The following MUSK variants were observed in gnomAD, a reference collection of about 807,000 sequenced individuals.
MUSK encodes the protein muscle, skeletal receptor tyrosine-protein kinase.
In MUSK, 55 loss-of-function variants were observed where a neutral mutation model predicts 88.7. That is an observed-to-expected ratio of 0.62 (90% CI 0.50 to 0.78). MUSK has a LOEUF of 0.78. Among genes scored for constraint, MUSK ranks in the 30% least tolerant of loss-of-function variants. MUSK has a pLI of 0.00. For missense variants in MUSK, 1,015 were observed against 1,074.3 expected (o/e 0.94, Z 0.77); for synonymous variants, 387 against 391.9 (o/e 0.99, Z 0.15).
rs2078124756 is a variant in MUSK, at chr9:110,803,669, G to A, written c.*2681G>A. ...GTATATTTCAGCATTATCAATTTAA[G>A]TTAATCATAACATCTAATAGGTGAC... On this transcript the variant is annotated 3_prime_UTR_variant, in exon 15 of 15. Transcript: ENST00000374448. 6.6e-6 allele frequency among the ~76,000 whole-genome samples: 1 copy of A among 152,140 alleles called. No individual in the cohort carries two copies. The highest frequency in any genetic ancestry group is 6.5e-5 in the Admixed American group (1 of 15,274).
intron 5 of MUSK, among the ~76,000 whole-genome samples, chr9:110,724,405 C>T (rs912847342): frequency 1.3e-5 from 2 of 151,914 alleles, no homozygotes; most frequent in Admixed American, 1.3e-4. Flanking sequence ...CCTCTACTTC[C>T]TTCATTCATA....
chr9:110,675,386 T>C (rs1264987942), intron 1 of MUSK, among the ~76,000 whole-genome samples: 1 of 150,494 alleles, frequency 6.6e-6, no homozygotes, highest in African/African-American at 2.5e-5. Flanking sequence ...CACGCCCGGC[T>C]AATTTTTTGT....
intron 7 of MUSK, among the ~76,000 whole-genome samples, chr9:110,753,205 C>T (rs2077269079): frequency 6.6e-6 from 1 of 152,040 alleles, no homozygotes; most frequent in Non-Finnish European, 1.5e-5. Context: ...CCGAGGTGGG[C>T]AGATCACCTG....
intron 11 of MUSK, among the ~76,000 whole-genome samples, chr9:110,781,437 C>T (rs1394757321): frequency 2.0e-5 from 3 of 152,080 alleles, no homozygotes; most frequent in Admixed American, 6.5e-5. Flanking sequence ...CCACCATGCC[C>T]AGCTAATTTT....
rs1483518782 is a variant in MUSK, at chr9:110,739,094, C to A, written c.753+4719C>A. On this transcript the variant is annotated intron_variant, in intron 6 of 14. Coordinates refer to ENST00000374448, the MANE Select transcript of MUSK (RefSeq NM_005592.4). ...CCTTCCATTGGAGCTGCCAGACATC[C>A]TTTAGATTTTACAGGTGGGAATTAC... Among the ~76,000 whole-genome samples the A allele has an allele frequency of 2.6e-5, 4 of 152,056 alleles. No individual in the cohort carries two copies. In the East Asian group the frequency reaches 5.8e-4, roughly 22 times the overall value.
At position 110,776,341 on chromosome 9, in the gene MUSK, A is replaced by T. The variant is rs147530141; in HGVS notation, c.1361-291A>T. On this transcript the variant is annotated intron_variant, in intron 10 of 14. Coordinates refer to ENST00000374448, the MANE Select transcript of MUSK (RefSeq NM_005592.4). ...AATAAAGTCCTTTTTCTTAGCCAAG[A>T]AAGCATGCTAAAATAAGACACATGT... Among the ~76,000 whole-genome samples the T allele has an allele frequency of 3.3e-3, 503 of 152,324 alleles. 4 individuals carry two copies. Among genetic ancestry groups the T allele is most frequent in the African/African-American group, 0.011 (451 of 41,580 alleles).
rs3824467 is a variant in MUSK, at chr9:110,788,012, T to C, written c.1927+174T>C. 2.0e-3 allele frequency: 1,339 copies of C among 676,810 alleles called. 11 individuals are homozygous for C. The highest frequency in any genetic ancestry group is 0.019 in the East Asian group (671 of 36,062). 41.9% of individuals were successfully genotyped at this position (676,810 alleles called of 1,614,324 possible). ...CCCAACCCTATAGGACATTCATGGC[T>C]TAATGGATTATCCCTCTTTAAATTC... is the stretch of plus-strand genomic sequence containing the variant. On this transcript the variant is annotated intron_variant, in intron 14 of 14. Coordinates refer to ENST00000374448, the MANE Select transcript of MUSK (RefSeq NM_005592.4).
rs1157490308 is a variant in MUSK at position 110,784,888 on chromosome 9, C to T, written c.1458C>T (p.Phe486=). 2.5e-6 allele frequency: 4 copies of T among 1,613,754 alleles called. No homozygotes were observed. Among genetic ancestry groups the T allele is most frequent in the Non-Finnish European group, 3.4e-6 (4 of 1,179,816 alleles). The change falls in exon 12 of 15, where the codon TTC becomes TTT. Residue 486 remains phenylalanine (F), a synonymous_variant. Transcript: ENST00000374448. ...TGCCTTCCTCCTCCTCTTCTTCCTT[C>T]TCTGTCTCACCTACATACTCCATGA... ...PNLPSSSSSS[F]SVSPTYSMTV...
chr9:110,695,028 T>C (rs1332360557), intron 3 of MUSK, among the ~76,000 whole-genome samples: 1 of 152,170 alleles, frequency 6.6e-6, no homozygotes, highest in Admixed American at 6.6e-5. Context: ...CAAAATTTTC[T>C]TTTCAAATGT....
intron 11 of MUSK, among the ~76,000 whole-genome samples, chr9:110,784,272 C>CA (rs1181885910): frequency 6.6e-6 from 1 of 151,976 alleles, no homozygotes; most frequent in Non-Finnish European, 1.5e-5. Context: ...TTTTGGTTTC[C>CA]AACAGTAATG....
chr9:110,732,231 T>A (rs1470319261), intron 5 of MUSK, among the ~76,000 whole-genome samples: 1 of 151,972 alleles, frequency 6.6e-6, no homozygotes, highest in Non-Finnish European at 1.5e-5. Context: ...CCATAGATGG[T>A]CATGCAGTAG....
chr9:110,775,669 C>A, intron 9 of MUSK, 119 bp from the exon 10 acceptor site: 1 of 959,760 alleles, frequency 1.0e-6, no homozygotes, highest in Non-Finnish European at 1.6e-6. Flanking sequence ...CATAAACGCG[C>A]TTTTTTCAAG....
chr9:110,775,451 T>G (rs1410723108), intron 9 of MUSK: 1 of 316,722 alleles, frequency 3.2e-6, no homozygotes, highest in African/African-American at 2.2e-5. Context: ...CTGTATACCT[T>G]TTTCCTCTAC....
intron 14 of MUSK, among the ~76,000 whole-genome samples, chr9:110,799,061 C>CA (rs930755600): frequency 6.6e-6 from 1 of 152,014 alleles, no homozygotes; most frequent in African/African-American, 2.4e-5. Context: ...AAAGATTATC[C>CA]AAAAAGGATC....
chr9:110,692,179 A>G (rs1317919356), intron 3 of MUSK, among the ~76,000 whole-genome samples: 2 of 151,290 alleles, frequency 1.3e-5, no homozygotes, highest in African/African-American at 4.9e-5. Flanking sequence ...GGTTTTTTTG[A>G]GACAAGATCT....
At chr9:110,759,761 C>G (rs985993963) in intron 7 of MUSK, among the ~76,000 whole-genome samples, 5 of 152,104 alleles carry the variant, frequency 3.3e-5, no homozygotes, top group Non-Finnish European at 1.5e-5. Context: ...CAAATCAAAA[C>G]CACAATGAGA....
intron 3 of MUSK, among the ~76,000 whole-genome samples, chr9:110,689,900 A>T (rs1480656101): frequency 8.1e-5 from 8 of 98,288 alleles, no homozygotes; most frequent in Admixed American, 1.6e-4. Context: ...AAATTATATA[A>T]ATATACATAA....
chr9:110,686,057 C>A (rs1170112568), intron 2 of MUSK, among the ~76,000 whole-genome samples: 1 of 152,090 alleles, frequency 6.6e-6, no homozygotes, highest in South Asian at 2.1e-4. Context: ...GGAGTTCACA[C>A]GTATGAAATA....
chr9:110,716,868 A>T (rs1314485059), intron 5 of MUSK, among the ~76,000 whole-genome samples: 1 of 149,908 alleles, frequency 6.7e-6, no homozygotes, highest in Non-Finnish European at 1.5e-5. Context: ...TAACCTTTGG[A>T]TGATGTTCCT....
Sources: gnomAD v4.1 joint callset for allele counts (sites outside exome capture counted in the v4.1 genomes callset) on GRCh38, gnomAD v4.1.1 for gene constraint, MANE v1.5 for transcripts, NCBI Gene and HGNC (gene_info 2026-07-23, HGNC 2026-07-21) for gene names.